Variants in ZSCAN31 observed in about 807,000 individuals in gnomAD.
ZSCAN31 encodes the protein zinc finger and SCAN domain containing 31.
ZSCAN31 carries 14 observed loss-of-function variants against 22.5 expected under a neutral mutation model. That is an observed-to-expected ratio of 0.62 (90% CI 0.41 to 0.97). The LOEUF (loss-of-function observed/expected upper bound fraction) is 0.97. Among genes scored for constraint, ZSCAN31 ranks in the 50% least tolerant of loss-of-function variants. ZSCAN31 has a pLI of 0.00. For missense variants in ZSCAN31, 424 were observed against 483.4 expected, an observed-to-expected ratio of 0.88 and a Z score of 1.15; for synonymous variants, 168 against 169.8, an observed-to-expected ratio of 0.99 and a Z score of 0.08.
upstream of ZSCAN31, among the ~76,000 whole-genome samples, chr6:28,338,875 A>T (rs543338236): frequency 2.6e-5 from 4 of 152,334 alleles, no homozygotes; most frequent in East Asian, 7.7e-4. Flanking sequence ...TTGACATTTG[A>T]GTAAACTTCT....
chr6:28,336,692 T>C (rs1764190241), upstream of ZSCAN31: 1 of 152,208 alleles, frequency 6.6e-6, no homozygotes, highest in Admixed American at 6.5e-5. Context: ...ACATTTGCTT[T>C]GTTTCTTGAG....
intron 3 of ZSCAN31, among the ~76,000 whole-genome samples, chr6:28,341,172 C>T (rs1764396450): frequency 6.6e-6 from 1 of 152,172 alleles, no homozygotes; most frequent in Non-Finnish European, 1.5e-5. Flanking sequence ...TAAAAAGTTG[C>T]AGTACCCCAG....
Position 28,325,641 on chromosome 6 carries a change from C to T in ZSCAN31, c.*525G>A, listed in dbSNP as rs1763207593. ...CTAGGGGAGACCATAGCAATGATTT[C>T]CTGTGGGAATGTGGACGATTCTTAT... On this transcript the variant is annotated 3_prime_UTR_variant, in exon 4 of 4. Coordinates refer to ENST00000344279, the MANE Select transcript of ZSCAN31 (RefSeq NM_030899.5). The T allele has an allele frequency of 6.6e-6, 1 of 152,628 alleles. No individual in the cohort carries two copies. Among genetic ancestry groups the T allele is most frequent in the African/African-American group, 2.4e-5 (1 of 41,400 alleles). The allele number at this position is 152,628 out of a possible 1,614,324, so 9.5% of individuals were successfully genotyped here.
At chr6:28,353,237 G>A (rs1765179733) in intron 2 of ZSCAN31, 1 of 152,928 alleles carries the variant, frequency 6.5e-6, no homozygotes, top group Non-Finnish European at 1.5e-5. Context: ...AAAGTGTTGG[G>A]ATTACAGGCG....
chr6:28,344,105 T>A (rs1031392487), intron 2 of ZSCAN31, among the ~76,000 whole-genome samples: 1 of 152,192 alleles, frequency 6.6e-6, no homozygotes, highest in Non-Finnish European at 1.5e-5. Flanking sequence ...TCAGACCACA[T>A]GAGCAAAATG....
intron 3 of ZSCAN31, among the ~76,000 whole-genome samples, chr6:28,341,400 A>G (rs1764406964): frequency 6.6e-6 from 1 of 152,174 alleles, no homozygotes; most frequent in South Asian, 2.1e-4. Flanking sequence ...GGTGCCTTCT[A>G]TGTGTCCTCT....
chr6:28,329,827 G>A, intron 1 of ZSCAN31, 49 bp from the exon 2 acceptor site: 3 of 967,658 alleles, frequency 3.1e-6, no homozygotes, highest in South Asian at 4.1e-5. Context: ...TAAAGTAGTG[G>A]GGAAAAAAGC....
chr6:28,355,066 A>G (rs935664680), upstream of ZSCAN31, among the ~76,000 whole-genome samples: 15 of 152,198 alleles, frequency 9.9e-5, no homozygotes, highest in Admixed American at 3.9e-4. Context: ...GGCTAGACCT[A>G]TCTGTGTACC....
intron 2 of ZSCAN31, among the ~76,000 whole-genome samples, chr6:28,327,756 T>C (rs6902583): frequency 0.036 from 5,459 of 152,140 alleles, 243 homozygotes; most frequent in African/African-American, 0.1. Flanking sequence ...TAACTGCCCA[T>C]CCCCAACCCC....
In ZSCAN31 at chr6:28,333,226, T is replaced by A. The variant is rs1763896645; in HGVS notation, c.-96+2856A>T. Among the ~76,000 whole-genome samples the A allele has an allele frequency of 6.6e-6, 1 of 152,218 alleles. No homozygotes were observed. Reference sequence around the variant, plus strand: ...AAAGGTAGTTGACTGCTGACTCAGCTTATGACTTTATCAGCAACTAAGGCC... The same window carrying A: ...AAAGGTAGTTGACTGCTGACTCAGCATATGACTTTATCAGCAACTAAGGCC... On this transcript the variant is annotated intron_variant, in intron 1 of 3. Transcript: ENST00000344279. This position sits in a 1 kb window ranked among gnomAD's most constrained non-coding sequence, Gnocchi z 4.1.
Position 28,351,754 on chromosome 6 carries a change from C to CT in ZSCAN31, c.-371+2107dup, listed in dbSNP as rs1278019821. Among the ~76,000 whole-genome samples the CT allele has an allele frequency of 6.6e-6, 1 of 151,170 alleles. No individual in the cohort carries two copies. Among genetic ancestry groups the CT allele is most frequent in the Non-Finnish European group, 1.5e-5 (1 of 67,824 alleles). ...TCCCTCCCTCTCCCCCTCTTTATCTCTTTTTTTTCCTCATTTCGTCCCTCT... is the reference window on the plus strand; with the variant it reads ...TCCCTCCCTCTCCCCCTCTTTATCTCTTTTTTTTTCCTCATTTCGTCCCTCT... On this transcript the variant is annotated intron_variant, in intron 2 of 7. Coordinates refer to the ZSCAN31 transcript ENST00000396838. This position sits in a 1 kb window ranked among gnomAD's most constrained non-coding sequence, Gnocchi z 4.6.
At chr6:28,350,134 C>T (rs1450175429) in intron 2 of ZSCAN31, 1 of 150,224 alleles carries the variant, frequency 6.7e-6, no homozygotes, top group Non-Finnish European at 1.5e-5. Flanking sequence ...GCCCTTCCCT[C>T]CCCAGTTCCT....
At chr6:28,337,648 C>T (rs1042724266), upstream of ZSCAN31, 13 of 152,182 alleles carry the variant, frequency 8.5e-5, no homozygotes, top group African/African-American at 3.1e-4. Flanking sequence ...AGGTCCTCAT[C>T]CTCATGGGGT....
chr6:28,353,848 T>TA (rs1765231510), intron 2 of ZSCAN31: 1 of 457,024 alleles, frequency 2.2e-6, no homozygotes, highest in Non-Finnish European at 4.4e-6. Flanking sequence ...AGCCAACATG[T>TA]ATATGGTACT....
rs1763237948 is a variant in ZSCAN31, at chr6:28,326,147, T to C, written c.*19A>G. 11 of 1,579,884 alleles carry C rather than the reference T, an allele frequency of 7.0e-6. No homozygotes were observed. Among genetic ancestry groups the C allele is most frequent in the Non-Finnish European group, 9.5e-6 (11 of 1,160,910 alleles). ...TAAGGTTGCAATGATGACTGAAGGC[T>C]TTCCCAAACTCATCACCCTTATGGT... is the stretch of plus-strand genomic sequence containing the variant. On this transcript the variant is annotated 3_prime_UTR_variant, in exon 4 of 4. Coordinates refer to ENST00000344279, the MANE Select transcript of ZSCAN31 (RefSeq NM_030899.5).
intron 2 of ZSCAN31, among the ~76,000 whole-genome samples, chr6:28,344,570 A>G (rs1764559345): frequency 6.6e-6 from 1 of 152,196 alleles, no homozygotes; most frequent in Non-Finnish European, 1.5e-5. Context: ...TGACTAATTG[A>G]CAAAGGAGGA....
chr6:28,337,317 T>G (rs1438883535), upstream of ZSCAN31, among the ~76,000 whole-genome samples: 1 of 152,178 alleles, frequency 6.6e-6, no homozygotes, highest in Non-Finnish European at 1.5e-5. Flanking sequence ...GCTCTTACTT[T>G]TTTTGGATCC....
intron 3 of ZSCAN31, 38 bp from the exon 4 acceptor site, chr6:28,326,892 CCTTT>C: frequency 6.6e-7 from 1 of 1,506,582 alleles, no homozygotes; most frequent in Non-Finnish European, 9.0e-7. Context: ...TAATCTCTTT[CCTTT>C]ATGAAAGAAT....
At chr6:28,344,579 G>GA (rs1426501741) in intron 2 of ZSCAN31, among the ~76,000 whole-genome samples, 3 of 152,142 alleles carry the variant, frequency 2.0e-5, no homozygotes, top group African/African-American at 7.2e-5. Flanking sequence ...GACAAAGGAG[G>GA]AAAAATACTG....
Sources: allele counts gnomAD v4.1 joint callset (sites outside exome capture counted in the v4.1 genomes callset), GRCh38; gene constraint gnomAD v4.1.1; non-coding constraint Gnocchi (gnomAD v3.1); transcripts MANE v1.5; gene names NCBI Gene and HGNC (gene_info 2026-07-23, HGNC 2026-07-21).